LPIN2: variants seen among roughly 807,000 people sequenced by gnomAD.
The protein encoded by LPIN2 is phosphatidate phosphatase LPIN2.
Under a neutral mutation model 111.4 loss-of-function variants are expected in LPIN2, and 55 were observed. That is an observed-to-expected ratio of 0.49 (90% CI 0.40 to 0.62). The LOEUF (loss-of-function observed/expected upper bound fraction) is 0.62. LPIN2 is among the 20% of genes least tolerant of loss of function. The pLI, the probability that LPIN2 is intolerant of heterozygous loss-of-function variation, is 0.00. For missense variants in LPIN2, 992 were observed against 1,112.1 expected, an observed-to-expected ratio of 0.89 and a Z score of 1.54; for synonymous variants, 425 against 414.0, an observed-to-expected ratio of 1.03 and a Z score of -0.32.
intron 1 of LPIN2, among the ~76,000 whole-genome samples, chr18:2,973,264 G>A (rs1441930020): frequency 2.0e-5 from 3 of 151,848 alleles, no homozygotes; most frequent in African/African-American, 7.3e-5. Flanking sequence ...GTTGTTAGCT[G>A]TGACCACACA....
intron 16 of LPIN2, among the ~76,000 whole-genome samples, 160 bp downstream of exon 16, chr18:2,923,615 A>G (rs1477149090): frequency 4.6e-5 from 7 of 152,108 alleles, no homozygotes; most frequent in African/African-American, 1.7e-4. Context: ...CCAGGTGCAC[A>G]CGGCTCCCAC....
At chr18:2,969,965 T>C (rs1036467443) in intron 1 of LPIN2, among the ~76,000 whole-genome samples, 6 of 151,998 alleles carry the variant, frequency 3.9e-5, no homozygotes, top group African/African-American at 1.5e-4. Context: ...CAATAGATAG[T>C]AATAGAATTT....
intron 1 of LPIN2, among the ~76,000 whole-genome samples, chr18:3,009,882 T>C (rs1353865206): frequency 6.6e-6 from 1 of 152,250 alleles, no homozygotes; most frequent in Non-Finnish European, 1.5e-5. Flanking sequence ...TTATCATCAT[T>C]TTAATCCTGA....
chr18:2,952,551 C>T (rs1025430170), intron 3 of LPIN2, among the ~76,000 whole-genome samples: 10 of 152,186 alleles, frequency 6.6e-5, no homozygotes, highest in Non-Finnish European at 8.8e-5. Context: ...CTTTGATAAA[C>T]ATATTACCCT....
At chr18:2,952,977 G>A (rs2077559886) in intron 3 of LPIN2, among the ~76,000 whole-genome samples, 1 of 152,136 alleles carries the variant, frequency 6.6e-6, no homozygotes, top group African/African-American at 2.4e-5. Flanking sequence ...CAACAAACTG[G>A]GTTTTTGGTC....
At position 3,012,721 on chromosome 18, in the gene LPIN2, G is replaced by T. The variant is rs907172737; in HGVS notation, c.-10+366C>A. ...CTCCGCGCCCCAAACCCAGGGGTAG[G>T]GGTGGTCTCGGGTAACCATCCCCAG... On this transcript the variant is annotated intron_variant, in intron 1 of 19. Coordinates refer to ENST00000677752, the MANE Select transcript of LPIN2 (RefSeq NM_001375808.2). Among the ~76,000 whole-genome samples the T allele has an allele frequency of 2.6e-5, 4 of 152,140 alleles. No individual in the cohort carries two copies. The East Asian group carries it at 7.7e-4, about 29-fold the overall frequency.
rs1389865092 is a variant in LPIN2 at position 2,917,760 on chromosome 18, A to C, written c.*2533T>G. 2 of 152,364 alleles carry C rather than the reference A, an allele frequency of 1.3e-5. No homozygotes were observed. Among genetic ancestry groups the C allele is most frequent in the Admixed American group, 6.5e-5 (1 of 15,276 alleles). The allele number at this position is 152,364 out of a possible 1,614,324, so 9.4% of individuals were successfully genotyped here. A position where few individuals can be genotyped will look rare whatever the true frequency, so the allele number is the denominator to read the frequency against. On this transcript the variant is annotated 3_prime_UTR_variant, in exon 20 of 20. Transcript: ENST00000677752. ...TCACACGGGACGAGCTTCAGCACACAGACAGCAAAGCAAATACGAGACTTA... is the reference window on the plus strand; with the variant it reads ...TCACACGGGACGAGCTTCAGCACACCGACAGCAAAGCAAATACGAGACTTA...
At chr18:2,920,952 G>A (rs907218864) in intron 18 of LPIN2, 71 bp from the exon 19 acceptor site, 8 of 1,041,576 alleles carry the variant, frequency 7.7e-6, no homozygotes, top group African/African-American at 4.7e-5. Context: ...GGCTCCTTGT[G>A]AGCCAGAAGC....
rs1394713825 is a variant in LPIN2, at chr18:2,928,758, T to C, written c.1551-98A>G. ...AGGGAGGGAGGAGGGAAGTGACATA[T>C]AAAATTGCTTATTCTTTTCAATAAA... is the stretch of plus-strand genomic sequence containing the variant. On this transcript the variant is annotated intron_variant, in intron 10 of 19. Transcript: ENST00000677752. 4 of 880,976 alleles carry C rather than the reference T, an allele frequency of 4.5e-6. No homozygotes were observed. The African/African-American group carries it at 4.9e-5, about 11-fold the overall frequency. 54.6% of individuals were successfully genotyped at this position (880,976 alleles called of 1,614,324 possible).
At chr18:2,978,651 T>A (rs541625156) in intron 1 of LPIN2, among the ~76,000 whole-genome samples, 6 of 152,364 alleles carry the variant, frequency 3.9e-5, no homozygotes, top group Admixed American at 6.5e-5. Context: ...CTGAATAAAG[T>A]CTGTAGTTTC....
rs888761044 is a variant in LPIN2 at position 3,012,185 on chromosome 18, T to TA, written c.-10+901dup. Among the ~76,000 whole-genome samples the TA allele has an allele frequency of 5.7e-3, 857 of 149,438 alleles. 7 individuals carry two copies. Among genetic ancestry groups the TA allele is most frequent in the African/African-American group, 0.019 (773 of 40,826 alleles). On this transcript the variant is annotated intron_variant, in intron 1 of 19. Coordinates refer to ENST00000677752, the MANE Select transcript of LPIN2 (RefSeq NM_001375808.2). ...CCAAGTCTAGAGCCTCGTTTTCAAT[T>TA]AAAAAAAAAATGGGTAAGCCCCAAA... is the stretch of plus-strand genomic sequence containing the variant.
In LPIN2 at chr18:2,950,315, T is replaced by C. The variant is rs1338564661; in HGVS notation, c.590+740A>G. 3 of 152,172 alleles carry C rather than the reference T, an allele frequency of 2.0e-5. No individual in the cohort carries two copies. The East Asian group carries it at 5.8e-4, about 29-fold the overall frequency. The allele number at this position is 152,172 out of a possible 1,614,324, so 9.4% of individuals were successfully genotyped here. A position where few individuals can be genotyped will look rare whatever the true frequency, so the allele number is the denominator to read the frequency against. On this transcript the variant is annotated intron_variant, in intron 4 of 19. Coordinates refer to ENST00000677752, the MANE Select transcript of LPIN2 (RefSeq NM_001375808.2). ...TCCAGGAAGTAGGGTGTGACCTCTTTTCGACAGATGGGGTGAAAACACACA... is the reference window on the plus strand; with the variant it reads ...TCCAGGAAGTAGGGTGTGACCTCTTCTCGACAGATGGGGTGAAAACACACA...
In LPIN2 at chr18:3,002,488, G is replaced by A. The variant is rs150104950; in HGVS notation, c.-10+10599C>T. 1.7e-3 allele frequency among the ~76,000 whole-genome samples: 259 copies of A among 152,154 alleles called. 1 individual carries two copies. The highest frequency in any genetic ancestry group is 5.7e-3 in the African/African-American group (235 of 41,516). ...GTATAGACAACTGTGCTTTCTAGACGTCCCATTCTAAACACAAAGATAAGG... is the reference window on the plus strand; with the variant it reads ...GTATAGACAACTGTGCTTTCTAGACATCCCATTCTAAACACAAAGATAAGG... On this transcript the variant is annotated intron_variant, in intron 1 of 19. Coordinates refer to ENST00000677752, the MANE Select transcript of LPIN2 (RefSeq NM_001375808.2).
At chr18:2,938,085 G>C (rs1312210266) in intron 6 of LPIN2, 48 bp from the exon 7 acceptor site, 1 of 1,407,956 alleles carries the variant, frequency 7.1e-7, no homozygotes, top group Non-Finnish European at 1.0e-6. Context: ...CAGAGTATTT[G>C]TTATAATCTA....
rs1015230201 is a variant in LPIN2, at chr18:2,929,453, G to A, written c.1457-295C>T. On this transcript the variant is annotated intron_variant, in intron 9 of 19. Coordinates refer to ENST00000677752, the MANE Select transcript of LPIN2 (RefSeq NM_001375808.2). ...CATACAGATGTGGCTAGAGAGGGAC[G>A]GAAGACAGACACAGAAAGACAGACA... Among the ~76,000 whole-genome samples, 19 of 152,012 alleles carry A rather than the reference G, an allele frequency of 1.2e-4. 1 individual carries two copies. Among genetic ancestry groups the A allele is most frequent in the African/African-American group, 1.5e-4 (6 of 41,348 alleles).
At chr18:2,920,550 G>A (rs571707691) in intron 19 of LPIN2, 113 bp from the exon 20 acceptor site, 51 of 1,183,418 alleles carry the variant, frequency 4.3e-5, no homozygotes, top group Non-Finnish European at 6.0e-5. Flanking sequence ...CAGGTTCAGA[G>A]GCAGGCCTCA....
At position 2,946,044 on chromosome 18, in the gene LPIN2, A is replaced by G. The variant is rs2077446707; in HGVS notation, c.590+5011T>C. 2.7e-5 allele frequency: 38 copies of G among 1,418,604 alleles called. No homozygotes were observed. In the South Asian group the frequency reaches 3.3e-4, roughly 12 times the overall value. The allele number at this position is 1,418,604 out of a possible 1,614,324, so 87.9% of individuals were successfully genotyped here. On this transcript the variant is annotated intron_variant, in intron 4 of 19. Transcript: ENST00000677752. ...CTTCTTCTAGACTCTCTAGACCCCG[A>G]TATGTCTTTGAACACCCTCCATTCT...
At chr18:2,932,960 C>T (rs1329772065) in intron 8 of LPIN2, among the ~76,000 whole-genome samples, 4 of 152,194 alleles carry the variant, frequency 2.6e-5, no homozygotes. Context: ...TCCACCTCTA[C>T]AGCAGCTAGT....
In LPIN2 at chr18:2,954,478, G is replaced by C. The variant is rs748585968; in HGVS notation, c.288+26C>G. Reference sequence around the variant, plus strand: ...CCAGAGGCCTGAGCACACTGTGTAAGGAGGGTGTAACCCATGCAAACTTAC... The same window carrying C: ...CCAGAGGCCTGAGCACACTGTGTAACGAGGGTGTAACCCATGCAAACTTAC... On this transcript the variant is annotated intron_variant, in intron 3 of 19. Coordinates refer to ENST00000677752, the MANE Select transcript of LPIN2 (RefSeq NM_001375808.2). 10 of 1,542,126 alleles carry C rather than the reference G, an allele frequency of 6.5e-6. 1 individual carries two copies. In the South Asian group the frequency reaches 7.8e-5, roughly 12 times the overall value.
Sources: allele counts gnomAD v4.1 joint callset (sites outside exome capture counted in the v4.1 genomes callset), GRCh38; gene constraint gnomAD v4.1.1; transcripts MANE v1.5; gene names NCBI Gene and HGNC (gene_info 2026-07-23, HGNC 2026-07-21).